MYT1L: variants seen among roughly 807,000 people sequenced by gnomAD.
The protein encoded by MYT1L is myelin transcription factor 1-like protein.
A neutral mutation model predicts 126.7 loss-of-function variants in MYT1L; 12 were observed. The ratio of observed to expected loss-of-function variants is 0.09; its 90% CI spans 0.06 to 0.15. The LOEUF is 0.15. Ranked by LOEUF, MYT1L falls within the 10% of genes least tolerant of loss-of-function variation. The pLI is 1.00. For synonymous variants in MYT1L, 541 were observed against 604.2 expected, an observed-to-expected ratio of 0.90 and a Z score of 1.53; for missense variants, 979 against 1,585.2, an observed-to-expected ratio of 0.62 and a Z score of 6.49.
intron 1 of MYT1L, among the ~76,000 whole-genome samples, chr2:2,320,484 A>AG (rs955782862): frequency 2.6e-5 from 4 of 151,906 alleles, no homozygotes; most frequent in African/African-American, 7.2e-5. Flanking sequence ...CCTAGAAAAA[A>AG]AAAAAAGAAA....
intron 21 of MYT1L, among the ~76,000 whole-genome samples, chr2:1,812,633 T>C (rs1421841928): frequency 1.3e-5 from 2 of 152,070 alleles, no homozygotes. Flanking sequence ...ATCCTAGCAC[T>C]TTGTGAGGCC....
chr2:2,194,090 A>C (rs1055094141), intron 2 of MYT1L, among the ~76,000 whole-genome samples: 1 of 151,926 alleles, frequency 6.6e-6, no homozygotes, highest in Admixed American at 6.6e-5. Context: ...ATATATATAT[A>C]TATTTTTGAG....
chr2:1,850,254 T>TTCC (rs1258259907), intron 19 of MYT1L, among the ~76,000 whole-genome samples: 1 of 136,720 alleles, frequency 7.3e-6, no homozygotes, highest in African/African-American at 2.7e-5. Context: ...CTTCCTTCCC[T>TTCC]GTCTTTTCTC....
chr2:2,321,372 A>G (rs540593397), intron 1 of MYT1L, among the ~76,000 whole-genome samples: 76 of 152,216 alleles, frequency 5.0e-4, no homozygotes, highest in African/African-American at 1.8e-3. Context: ...AGACTCGCTT[A>G]TTTCTACAAC....
chr2:1,876,025 A>G (rs1448113284), intron 18 of MYT1L, among the ~76,000 whole-genome samples: 1 of 152,214 alleles, frequency 6.6e-6, no homozygotes, highest in African/African-American at 2.4e-5. Context: ...TCTGGAGTAC[A>G]GTTCTGTCCA....
At chr2:1,995,483 T>TA (rs2061760289) in intron 5 of MYT1L, among the ~76,000 whole-genome samples, 1 of 151,906 alleles carries the variant, frequency 6.6e-6, no homozygotes, top group Non-Finnish European at 1.5e-5. Flanking sequence ...GAGAAAACCC[T>TA]AAAAAAACAC....
chr2:2,294,394 C>T (rs981270930), intron 1 of MYT1L, among the ~76,000 whole-genome samples: 1 of 152,108 alleles, frequency 6.6e-6, no homozygotes, highest in Non-Finnish European at 1.5e-5. Context: ...AGAGAGTTGG[C>T]AAGGACTGAG....
chr2:2,075,499 G>C (rs2075119874), intron 3 of MYT1L, among the ~76,000 whole-genome samples: 2 of 152,154 alleles, frequency 1.3e-5, no homozygotes, highest in South Asian at 4.1e-4. Context: ...TGTTCATTCT[G>C]GTAGGGAGGT....
At chr2:1,983,651 C>T (rs370478392) in intron 5 of MYT1L, among the ~76,000 whole-genome samples, 6 of 152,194 alleles carry the variant, frequency 3.9e-5, no homozygotes, top group South Asian at 4.1e-4. Flanking sequence ...CTTGGGCTTG[C>T]TTCCACCCAG....
At chr2:2,148,876 T>C (rs2085299399) in intron 3 of MYT1L, among the ~76,000 whole-genome samples, 1 of 152,136 alleles carries the variant, frequency 6.6e-6, no homozygotes, top group African/African-American at 2.4e-5. Context: ...ATGTGGCATA[T>C]AGGTTGCTCA....
At chr2:2,083,734 A>G (rs2076074346) in intron 3 of MYT1L, among the ~76,000 whole-genome samples, 1 of 152,244 alleles carries the variant, frequency 6.6e-6, no homozygotes, top group Non-Finnish European at 1.5e-5. Flanking sequence ...AAACCGGGGG[A>G]ATAAAAGAGC....
rs902146528 is a variant in MYT1L, at chr2:2,059,046, T to C, written c.-303-4923A>G. Among the ~76,000 whole-genome samples, 2 of 152,172 alleles carry C rather than the reference T, an allele frequency of 1.3e-5. No homozygotes were observed. Among genetic ancestry groups the C allele is most frequent in the Non-Finnish European group, 2.9e-5 (2 of 68,030 alleles). ...GCAGTTTATATAAACTCAAGGACAA[T>C]TGGGTCATGTCTGCTGTTTGAGAGA... On this transcript the variant is annotated intron_variant, in intron 3 of 24. Transcript: ENST00000647738. This position sits in a 1 kb window ranked among gnomAD's most constrained non-coding sequence, Gnocchi z 4.7.
At chr2:1,849,413 C>G (rs1025754729) in intron 19 of MYT1L, among the ~76,000 whole-genome samples, 1 of 152,206 alleles carries the variant, frequency 6.6e-6, no homozygotes. Flanking sequence ...GCGACTCACT[C>G]GTGTTCTACC....
intron 3 of MYT1L, among the ~76,000 whole-genome samples, chr2:2,138,077 A>T (rs945260342): frequency 9.2e-5 from 14 of 152,224 alleles, no homozygotes; most frequent in African/African-American, 3.4e-4. Context: ...CAGCCAAAAA[A>T]CACATGAAAA....
chr2:1,932,271 C>T (rs1045859040), intron 9 of MYT1L, among the ~76,000 whole-genome samples: 2 of 152,080 alleles, frequency 1.3e-5, no homozygotes, highest in East Asian at 1.9e-4. Flanking sequence ...ATGTATTTAC[C>T]TAGGTGAGAT....
chr2:2,170,493 T>TA (rs1474306217), intron 3 of MYT1L, among the ~76,000 whole-genome samples: 1 of 152,228 alleles, frequency 6.6e-6, no homozygotes, highest in African/African-American at 2.4e-5. Context: ...CCACAAAGTC[T>TA]AAAATCATCT....
At position 1,887,442 on chromosome 2, in the gene MYT1L, T is replaced by C. The variant is rs1165870727; in HGVS notation, c.2642+46A>G. ...CAGTTTTAAAAAATCAGCCAAAGAA[T>C]GGGAAGATTAAGAAGATTCATAATT... is the stretch of plus-strand genomic sequence containing the variant. On this transcript the variant is annotated intron_variant, in intron 17 of 24. Transcript: ENST00000647738. The surrounding 1 kb of genome is among the most constrained non-coding windows in gnomAD (Gnocchi z 4.8). 1.2e-6 allele frequency: 2 copies of C among 1,613,136 alleles called. No homozygotes were observed. Among genetic ancestry groups the C allele is most frequent in the African/African-American group, 1.3e-5 (1 of 74,888 alleles).
intron 1 of MYT1L, among the ~76,000 whole-genome samples, chr2:2,309,332 T>C (rs1307633753): frequency 6.6e-6 from 1 of 151,002 alleles, no homozygotes; most frequent in Non-Finnish European, 1.5e-5. Flanking sequence ...ATCTATACTC[T>C]ATCTACACTT....
At chr2:2,262,626 G>A (rs553175610) in intron 2 of MYT1L, among the ~76,000 whole-genome samples, 113 of 146,172 alleles carry the variant, frequency 7.7e-4, no homozygotes, top group Non-Finnish European at 1.5e-3. Flanking sequence ...CCAGGAGGCA[G>A]AGCTTGCAGT....
Sources: gnomAD v4.1 joint callset for allele counts (sites outside exome capture counted in the v4.1 genomes callset) on GRCh38, gnomAD v4.1.1 for gene constraint, Gnocchi (gnomAD v3.1) non-coding constraint, MANE v1.5 for transcripts, NCBI Gene and HGNC (gene_info 2026-07-23, HGNC 2026-07-21) for gene names.